Variants in SPARCL1 observed in about 807,000 individuals in gnomAD.
SPARCL1 encodes the protein SPARC-like protein 1.
In SPARCL1, 52 loss-of-function variants were observed where a neutral mutation model predicts 67.1. The observed-to-expected ratio is 0.78, with a 90% CI of 0.62 to 0.98. SPARCL1 has a LOEUF of 0.98. Ranked by LOEUF, SPARCL1 falls within the 50% of genes least tolerant of loss-of-function variation. The pLI, the probability that SPARCL1 is intolerant of heterozygous loss-of-function variation, is 0.00. For missense variants in SPARCL1, 717 were observed against 782.4 expected (o/e 0.92, Z 1.00); for synonymous variants, 226 against 267.8 (o/e 0.84, Z 1.52).
intron 1 of SPARCL1, among the ~76,000 whole-genome samples, chr4:87,515,925 C>A (rs977843630): frequency 6.6e-6 from 1 of 152,118 alleles, no homozygotes; most frequent in Non-Finnish European, 1.5e-5. Flanking sequence ...GCTATAAATT[C>A]TTTGCTATTT....
chr4:87,514,187 C>CA (rs1315031937), intron 1 of SPARCL1, among the ~76,000 whole-genome samples: 10 of 151,030 alleles, frequency 6.6e-5, no homozygotes, highest in South Asian at 4.2e-4. Context: ...GACTCCATCT[C>CA]AAAAAAAAGA....
In SPARCL1 at chr4:87,493,667, G is replaced by C; in HGVS notation, c.1133C>G (p.Ala378Gly). 1 of 1,614,020 alleles carries C rather than the reference G, an allele frequency of 6.2e-7. No individual in the cohort carries two copies. The highest frequency in any genetic ancestry group is 8.5e-7 in the Non-Finnish European group (1 of 1,180,006). ...FLEAERAQSIAYHLKIEEQRE... is the reference protein window; with the variant it reads ...FLEAERAQSIGYHLKIEEQRE... Reference sequence around the variant, plus strand: ...TTGCTCCTCAATTTTGAGGTGATAGGCAATGGATTGAGCTCTCTCGGCCTC... The same window carrying C: ...TTGCTCCTCAATTTTGAGGTGATAGCCAATGGATTGAGCTCTCTCGGCCTC... The change falls in exon 4 of 11, where the codon GCC (alanine) becomes GGC (glycine). Residue 378 changes from alanine to glycine, a missense_variant. Physicochemically the swap from Ala to Gly is moderately conservative, Grantham distance 60 (BLOSUM62 0). Coordinates refer to ENST00000282470, the MANE Select transcript of SPARCL1 (RefSeq NM_004684.6).
intron 7 of SPARCL1, among the ~76,000 whole-genome samples, chr4:87,483,182 A>C (rs527672279): frequency 6.6e-6 from 1 of 151,386 alleles, no homozygotes; most frequent in Non-Finnish European, 1.5e-5. Flanking sequence ...GGTTTGCTGC[A>C]CCCATCAACC....
In SPARCL1 at chr4:87,495,147, G is replaced by T. The variant is rs1369220039; in HGVS notation, c.55-20C>A. The T allele has an allele frequency of 6.3e-7, 1 of 1,595,398 alleles. No homozygotes were observed. The highest frequency in any genetic ancestry group is 1.2e-5 in the South Asian group (1 of 86,126). On this transcript the variant is annotated intron_variant, in intron 2 of 10. Coordinates refer to ENST00000282470, the MANE Select transcript of SPARCL1 (RefSeq NM_004684.6). ...ATTTGTCTGAAAAAATTAAAAACTGGTTTTTGTTATTCATGTCTGGATGCT... is the reference window on the plus strand; with the variant it reads ...ATTTGTCTGAAAAAATTAAAAACTGTTTTTTGTTATTCATGTCTGGATGCT...
intron 2 of SPARCL1, 131 bp downstream of exon 2, chr4:87,499,390 G>T: frequency 1.2e-6 from 1 of 825,834 alleles, no homozygotes; most frequent in Non-Finnish European, 1.9e-6. Flanking sequence ...TGTTACTTGG[G>T]CAATAAAGAA....
intron 1 of SPARCL1, among the ~76,000 whole-genome samples, chr4:87,526,119 C>A (rs1302003235): frequency 6.6e-6 from 1 of 152,134 alleles, no homozygotes; most frequent in Non-Finnish European, 1.5e-5. Flanking sequence ...AGCAAAGCAG[C>A]ATTTCTTCTC....
At chr4:87,503,278 A>G (rs1724922506) in intron 1 of SPARCL1, among the ~76,000 whole-genome samples, 3 of 152,158 alleles carry the variant, frequency 2.0e-5, no homozygotes, top group South Asian at 2.1e-4. Flanking sequence ...GGTGCCTCCA[A>G]TTCTGGAAAC....
intron 10 of SPARCL1, 74 bp from the exon 11 acceptor site, chr4:87,473,877 G>T: frequency 9.7e-7 from 1 of 1,030,628 alleles, no homozygotes; most frequent in African/African-American, 1.6e-5. Context: ...TATTAGAGTT[G>T]GGGGATTAGA....
intron 9 of SPARCL1, 105 bp downstream of exon 9, chr4:87,480,267 G>GA: frequency 8.9e-6 from 9 of 1,009,496 alleles, no homozygotes; most frequent in Non-Finnish European, 1.1e-5. Context: ...TTCTAAAATG[G>GA]AACTGGGAAA....
chr4:87,477,372 A>G (rs1723623731), intron 10 of SPARCL1, among the ~76,000 whole-genome samples: 1 of 152,186 alleles, frequency 6.6e-6, no homozygotes. Context: ...AATTTTTATA[A>G]GTACTCTGCT....
chr4:87,512,239 G>A lies in SPARCL1; in HGVS notation c.-11-12654C>T, dbSNP rs576952788. Among the ~76,000 whole-genome samples, 91 of 152,214 alleles carry A rather than the reference G, an allele frequency of 6.0e-4. 1 individual carries two copies. The highest frequency in any genetic ancestry group is 2.1e-3 in the African/African-American group (87 of 41,538). The stretch of plus-strand genomic sequence containing the variant: ...TGCCTCAGCCCCCTGGAAGTACTGG[G>A]ATTACAGGCATGAGCCACCATGCCC... On this transcript the variant is annotated intron_variant, in intron 1 of 10. Coordinates refer to ENST00000282470, the MANE Select transcript of SPARCL1 (RefSeq NM_004684.6).
At chr4:87,506,416 T>G (rs1725073503) in intron 1 of SPARCL1, among the ~76,000 whole-genome samples, 1 of 152,202 alleles carries the variant, frequency 6.6e-6, no homozygotes, top group Admixed American at 6.5e-5. Flanking sequence ...AATTAACATT[T>G]GAATTGGTAG....
At chr4:87,527,821 T>A (rs528102730) in intron 1 of SPARCL1, among the ~76,000 whole-genome samples, 3 of 152,134 alleles carry the variant, frequency 2.0e-5, no homozygotes, top group African/African-American at 7.2e-5. Flanking sequence ...TCTTATTAAA[T>A]GAACAGAAAT....
intron 1 of SPARCL1, among the ~76,000 whole-genome samples, chr4:87,506,817 C>A (rs556941201): frequency 1.3e-5 from 2 of 151,014 alleles, no homozygotes; most frequent in African/African-American, 4.9e-5. Flanking sequence ...ATCTATCTAT[C>A]TATCTATCTA....
intron 1 of SPARCL1, among the ~76,000 whole-genome samples, chr4:87,516,018 T>G (rs1273934422): frequency 6.6e-6 from 1 of 152,202 alleles, no homozygotes; most frequent in Admixed American, 6.5e-5. Context: ...TTGATTGAGA[T>G]AGAAATGATG....
intron 1 of SPARCL1, among the ~76,000 whole-genome samples, chr4:87,522,546 G>A (rs1480472055): frequency 1.3e-5 from 2 of 151,534 alleles, no homozygotes; most frequent in South Asian, 2.1e-4. Flanking sequence ...GCCTCAAATA[G>A]GCCACGATCC....
intron 10 of SPARCL1, among the ~76,000 whole-genome samples, chr4:87,475,081 G>T (rs1723534478): frequency 6.6e-6 from 1 of 152,102 alleles, no homozygotes; most frequent in Non-Finnish European, 1.5e-5. Flanking sequence ...TAAATGAAAG[G>T]AGTGCTCAAA....
At chr4:87,500,228 C>G (rs962424049) in intron 1 of SPARCL1, among the ~76,000 whole-genome samples, 6 of 152,164 alleles carry the variant, frequency 3.9e-5, no homozygotes, top group African/African-American at 1.4e-4. Flanking sequence ...CAGCAGTTGG[C>G]TGCATCTGAG....
chr4:87,498,164 A>T (rs1421386823), intron 2 of SPARCL1, among the ~76,000 whole-genome samples: 3 of 152,226 alleles, frequency 2.0e-5, no homozygotes, highest in African/African-American at 7.2e-5. Context: ...TCAGTGTTGA[A>T]CATTAACTTG....
Sources: gnomAD v4.1 joint callset for allele counts (sites outside exome capture counted in the v4.1 genomes callset) on GRCh38, gnomAD v4.1.1 for gene constraint, MANE v1.5 for transcripts, NCBI Gene and HGNC (gene_info 2026-07-23, HGNC 2026-07-21) for gene names.